The following TSHZ2 variants were observed in gnomAD, a reference collection of about 807,000 sequenced individuals.
The protein encoded by TSHZ2 is teashirt homolog 2.
TSHZ2 carries 21 observed loss-of-function variants against 74.4 expected under a neutral mutation model. That is an observed-to-expected ratio of 0.28 (90% CI 0.20 to 0.41). The LOEUF (loss-of-function observed/expected upper bound fraction) is 0.41. Ranked by LOEUF, TSHZ2 falls within the 10% of genes least tolerant of loss-of-function variation. The pLI is 1.00. For synonymous variants in TSHZ2, 540 were observed against 515.3 expected (o/e 1.05, Z -0.65); for missense variants, 1,244 against 1,293.5 (o/e 0.96, Z 0.59).
At chr20:53,360,166 G>A (rs908942746) in intron 2 of TSHZ2, among the ~76,000 whole-genome samples, 3 of 152,174 alleles carry the variant, frequency 2.0e-5, no homozygotes, top group African/African-American at 7.2e-5. Flanking sequence ...TCCAAGTGAA[G>A]GGGGAAATGA....
intron 2 of TSHZ2, among the ~76,000 whole-genome samples, chr20:53,445,627 G>A (rs1490108605): frequency 6.6e-6 from 1 of 152,142 alleles, no homozygotes; most frequent in Non-Finnish European, 1.5e-5. Context: ...AGATGTCCAG[G>A]AAAGCCTGGT....
At position 52,996,306 on chromosome 20, in the gene TSHZ2, T is replaced by TA. The variant is rs1385796127; in HGVS notation, c.40+22973_40+22974insA. On this transcript the variant is annotated intron_variant, in intron 1 of 2. Coordinates refer to ENST00000371497, the MANE Select transcript of TSHZ2 (RefSeq NM_173485.6). ...AGTTCTTCTCAACTTTCCTTTCAGGTTTTTATTTATTTATTTATTTATTTA... is the reference window on the plus strand; with the variant it reads ...AGTTCTTCTCAACTTTCCTTTCAGGTATTTTATTTATTTATTTATTTATTTA... 9.4e-5 allele frequency among the ~76,000 whole-genome samples: 13 copies of TA among 138,568 alleles called. 1 individual carries two copies. In the South Asian group the frequency reaches 1.2e-3, roughly 13 times the overall value. 90.9% of individuals were successfully genotyped at this position (138,568 alleles called of 152,430 possible). A position where few individuals can be genotyped will look rare whatever the true frequency, so the allele number is the denominator to read the frequency against.
At position 53,455,524 on chromosome 20, in the gene TSHZ2, G is replaced by T. The variant is rs1313354170; in HGVS notation, c.*9-31620G>T. ...CATCGGGCATTATTATTTCATAAAT[G>T]TATACTAATAATTTTAGTAGCAGTT... On this transcript the variant is annotated intron_variant, in intron 2 of 2. Coordinates refer to ENST00000371497, the MANE Select transcript of TSHZ2 (RefSeq NM_173485.6). The T allele has an allele frequency of 2.0e-5, 3 of 152,220 alleles. No individual in the cohort carries two copies. The East Asian group carries it at 5.8e-4, about 29-fold the overall frequency. 9.4% of individuals were successfully genotyped at this position (152,220 alleles called of 1,614,324 possible).
chr20:53,472,536 C>G (rs1402477921), intron 2 of TSHZ2, among the ~76,000 whole-genome samples: 2 of 152,048 alleles, frequency 1.3e-5, no homozygotes, highest in East Asian at 3.9e-4. Context: ...AAACAGATGC[C>G]AAGATGCCAG....
chr20:53,159,652 TA>T (rs11475461), intron 1 of TSHZ2, among the ~76,000 whole-genome samples: 29,094 of 146,152 alleles, frequency 0.2, 2,854 homozygotes, highest in Admixed American at 0.23. Context: ...AAACAGGAGT[TA>T]AAAAAAAAAA....
intron 1 of TSHZ2, among the ~76,000 whole-genome samples, chr20:53,092,051 T>C (rs1985900856): frequency 6.6e-6 from 1 of 151,952 alleles, no homozygotes; most frequent in Admixed American, 6.6e-5. Flanking sequence ...GTCTCAAAAA[T>C]ATAACAACAA....
chr20:53,299,930 TA>T (rs1477350939), intron 2 of TSHZ2, among the ~76,000 whole-genome samples: 1 of 152,176 alleles, frequency 6.6e-6, no homozygotes, highest in African/African-American at 2.4e-5. Flanking sequence ...TAAAATAAAA[TA>T]AAAAAGTAAA....
At chr20:53,269,896 A>G (rs1405123266) in intron 2 of TSHZ2, among the ~76,000 whole-genome samples, 2 of 152,202 alleles carry the variant, frequency 1.3e-5, no homozygotes, top group East Asian at 1.9e-4. Context: ...TTATATTATC[A>G]GTAACAATGA....
chr20:53,003,534 A>G (rs1982523304), intron 1 of TSHZ2, among the ~76,000 whole-genome samples: 2 of 152,184 alleles, frequency 1.3e-5, no homozygotes, highest in African/African-American at 4.8e-5. Flanking sequence ...AGCCTTCCAG[A>G]AGAGTTTCTT....
chr20:53,288,495 C>T (rs1197180521), intron 2 of TSHZ2, among the ~76,000 whole-genome samples: 1 of 151,456 alleles, frequency 6.6e-6, no homozygotes, highest in African/African-American at 2.4e-5. Context: ...GTCTAGTTTT[C>T]TCACATCTGT....
intron 2 of TSHZ2, among the ~76,000 whole-genome samples, chr20:53,356,136 A>G (rs1055056642): frequency 6.6e-6 from 1 of 152,224 alleles, no homozygotes; most frequent in African/African-American, 2.4e-5. Context: ...AATTGATGCT[A>G]TGATGTATAC....
chr20:53,112,877 G>A (rs1161367927), intron 1 of TSHZ2, among the ~76,000 whole-genome samples: 1 of 152,208 alleles, frequency 6.6e-6, no homozygotes, highest in Non-Finnish European at 1.5e-5. Flanking sequence ...ACATGAACAA[G>A]CTTGAAAATA....
At chr20:53,031,992 A>G (rs1044065929) in intron 1 of TSHZ2, among the ~76,000 whole-genome samples, 1 of 152,216 alleles carries the variant, frequency 6.6e-6, no homozygotes, top group Non-Finnish European at 1.5e-5. Context: ...AAAGAAATTC[A>G]AAGCTTGAGT....
intron 2 of TSHZ2, among the ~76,000 whole-genome samples, chr20:53,372,067 C>T (rs1227919139): frequency 6.6e-6 from 1 of 152,064 alleles, no homozygotes; most frequent in Non-Finnish European, 1.5e-5. Context: ...AATTAGGGCC[C>T]ACCCTAATTG....
At chr20:53,323,591 T>TTTTTTTTTTTTTTTC (rs1979369434) in intron 2 of TSHZ2, among the ~76,000 whole-genome samples, 1 of 131,224 alleles carries the variant, frequency 7.6e-6, no homozygotes, top group African/African-American at 2.9e-5. Flanking sequence ...TTTTTTTTTT[T>TTTTTTTTTTTTTTTC]TTTTGACAGA....
chr20:53,295,624 T>A (rs1991362080), intron 2 of TSHZ2, among the ~76,000 whole-genome samples: 1 of 152,210 alleles, frequency 6.6e-6, no homozygotes, highest in Non-Finnish European at 1.5e-5. Context: ...ATCACTAGAC[T>A]AAATGGAAAC....
chr20:53,274,906 C>A (rs1990912098), intron 2 of TSHZ2, among the ~76,000 whole-genome samples: 1 of 152,300 alleles, frequency 6.6e-6, no homozygotes. Flanking sequence ...GCCAGTGATG[C>A]CGTAAATACA....
At position 53,175,488 on chromosome 20, in the gene TSHZ2, A is replaced by C. The variant is rs989610150; in HGVS notation, c.41-78011A>C. Among the ~76,000 whole-genome samples, 3 of 150,972 alleles carry C rather than the reference A, an allele frequency of 2.0e-5. No homozygotes were observed. The East Asian group carries it at 6.0e-4, about 30-fold the overall frequency. On this transcript the variant is annotated intron_variant, in intron 1 of 2. Transcript: ENST00000371497. ...CCTTGGCCCTTGGTGGTTTTGTCTGATGCTCAATGGCCAGAAGGAAACACA... is the reference window on the plus strand; with the variant it reads ...CCTTGGCCCTTGGTGGTTTTGTCTGCTGCTCAATGGCCAGAAGGAAACACA...
At chr20:53,472,265 A>G (rs1200568050) in intron 2 of TSHZ2, among the ~76,000 whole-genome samples, 2 of 152,270 alleles carry the variant, frequency 1.3e-5, no homozygotes, top group Non-Finnish European at 2.9e-5. Flanking sequence ...AGATAGGCGC[A>G]GGCCTGAATT....
Sources: gnomAD v4.1 joint callset for allele counts (sites outside exome capture counted in the v4.1 genomes callset) on GRCh38, gnomAD v4.1.1 for gene constraint, MANE v1.5 for transcripts, NCBI Gene and HGNC (gene_info 2026-07-23, HGNC 2026-07-21) for gene names.